The following PSD3 variants were observed in gnomAD, a reference collection of about 807,000 sequenced individuals.
PSD3 encodes PH and SEC7 domain-containing protein 3.
Under a neutral mutation model 105.5 loss-of-function variants are expected in PSD3, and 49 were observed. That is an observed-to-expected ratio of 0.46 (90% CI 0.37 to 0.59). PSD3 has a LOEUF of 0.59. Ranked by LOEUF, PSD3 falls within the 20% of genes least tolerant of loss-of-function variation. The probability of loss-of-function intolerance (pLI) is 0.00; values close to 1 mark genes in which losing one functional copy is unlikely to be tolerated. For synonymous variants in PSD3, 557 were observed against 457.8 expected, an observed-to-expected ratio of 1.22 and a Z score of -2.77; for missense variants, 1,561 against 1,263.8, an observed-to-expected ratio of 1.24 and a Z score of -3.57.
rs190176590 is a variant in PSD3, at chr8:19,077,732, A to T, written c.324+6474T>A. 1.3e-3 allele frequency among the ~76,000 whole-genome samples: 195 copies of T among 152,330 alleles called. 1 individual carries two copies. Among genetic ancestry groups the T allele is most frequent in the African/African-American group, 4.6e-3 (190 of 41,558 alleles). On this transcript the variant is annotated intron_variant, in intron 1 of 1. Coordinates refer to the PSD3 transcript ENST00000521475. ...TGAACTTTGTAATATATTAGGATCAAATCATTGCGTGATGTGATTTATAAA... is the reference window on the plus strand; with the variant it reads ...TGAACTTTGTAATATATTAGGATCATATCATTGCGTGATGTGATTTATAAA...
At chr8:19,075,177 A>G (rs1829425609) in intron 1 of PSD3, among the ~76,000 whole-genome samples, 1 of 148,080 alleles carries the variant, frequency 6.8e-6, no homozygotes, top group Non-Finnish European at 1.5e-5. Flanking sequence ...CGAACTCCGG[A>G]CTTCAAGTGA....
intron 4 of PSD3, among the ~76,000 whole-genome samples, chr8:18,864,268 A>T (rs1816665699): frequency 6.6e-6 from 1 of 152,192 alleles, no homozygotes; most frequent in Non-Finnish European, 1.5e-5. Context: ...TATGCCACTT[A>T]CCATCTGTGT....
intron 9 of PSD3, among the ~76,000 whole-genome samples, chr8:18,748,204 G>A (rs1805180248): frequency 6.6e-6 from 1 of 152,030 alleles, no homozygotes. Flanking sequence ...AGCAACTGTG[G>A]GCAGTTACAT....
At chr8:18,759,147 T>C (rs945174490) in intron 9 of PSD3, among the ~76,000 whole-genome samples, 12 of 149,862 alleles carry the variant, frequency 8.0e-5, no homozygotes, top group African/African-American at 2.5e-4. Flanking sequence ...TGCTCTTCCC[T>C]TAAGGGAAGA....
intron 9 of PSD3, chr8:18,762,855 T>A: frequency 8.9e-7 from 1 of 1,127,108 alleles, no homozygotes; most frequent in Non-Finnish European, 1.2e-6. Context: ...CCCTTTCTCT[T>A]CAGAAAACAA....
intron 10 of PSD3, 92 bp downstream of exon 10, chr8:18,655,550 T>G (rs1313984988): frequency 8.1e-7 from 1 of 1,237,628 alleles, no homozygotes. Context: ...AATGCATATT[T>G]AATCCTTCTC....
intron 1 of PSD3, among the ~76,000 whole-genome samples, chr8:19,006,601 C>A (rs1194938020): frequency 4.6e-5 from 7 of 152,100 alleles, no homozygotes; most frequent in South Asian, 4.2e-4. Context: ...GCGAATGTGA[C>A]TGTCTACCTT....
chr8:18,663,518 G>C (rs1809508046), intron 9 of PSD3, among the ~76,000 whole-genome samples: 1 of 151,566 alleles, frequency 6.6e-6, no homozygotes. Context: ...TTTTACTAAT[G>C]TGTGTATGCA....
intron 1 of PSD3, among the ~76,000 whole-genome samples, chr8:18,956,284 T>G (rs1221904098): frequency 6.6e-6 from 1 of 152,026 alleles, no homozygotes; most frequent in Non-Finnish European, 1.5e-5. Flanking sequence ...CTTCTCAAAC[T>G]GGGGTGGGCA....
At chr8:18,618,826 G>A (rs539936551) in intron 11 of PSD3, among the ~76,000 whole-genome samples, 5 of 152,222 alleles carry the variant, frequency 3.3e-5, no homozygotes, top group South Asian at 2.1e-4. Flanking sequence ...GTCTAGGGGC[G>A]TATGCTACCA....
chr8:19,059,323 T>C (rs1435654448), intron 1 of PSD3, among the ~76,000 whole-genome samples: 2 of 152,194 alleles, frequency 1.3e-5, no homozygotes, highest in Non-Finnish European at 2.9e-5. Flanking sequence ...CGTAGGAAGA[T>C]GTCCCTCTAG....
intron 12 of PSD3, among the ~76,000 whole-genome samples, chr8:18,588,469 A>C (rs372280541): frequency 1.2e-4 from 19 of 152,318 alleles, no homozygotes; most frequent in East Asian, 9.6e-4. Context: ...TTGCAGGCTT[A>C]TTCTCATTGT....
intron 10 of PSD3, among the ~76,000 whole-genome samples, chr8:18,650,123 A>G (rs2130831322): frequency 6.6e-6 from 1 of 152,376 alleles, no homozygotes; most frequent in Middle Eastern, 3.4e-3. Context: ...AGGATGAAAG[A>G]GAGGAACATT....
Position 18,804,908 on chromosome 8 carries a change from T to G in PSD3, c.1635-10A>C, listed in dbSNP as rs759674374. On this transcript the variant is annotated splice_polypyrimidine_tract_variant and intron_variant, in intron 4 of 15. Transcript: ENST00000327040. ...TTTCACCCCAGCATTGCTATGATAA[T>G]TGATAAAGAGAGAAAATAATAGATT... 1.3e-6 allele frequency: 2 copies of G among 1,568,122 alleles called. No individual in the cohort carries two copies.
intron 1 of PSD3, among the ~76,000 whole-genome samples, chr8:18,997,592 ACT>A (rs1352626676): frequency 1.3e-5 from 2 of 151,822 alleles, no homozygotes; most frequent in African/African-American, 4.8e-5. Flanking sequence ...TTCTCTGCTC[ACT>A]CTCAGTCCAA....
intron 9 of PSD3, among the ~76,000 whole-genome samples, chr8:18,740,946 C>T (rs1465908114): frequency 3.9e-5 from 6 of 152,170 alleles, no homozygotes. Context: ...GGGTGCCTCC[C>T]TGAGGTCAGA....
intron 10 of PSD3, among the ~76,000 whole-genome samples, chr8:18,649,322 A>G (rs1371321824): frequency 1.3e-5 from 2 of 152,170 alleles, no homozygotes; most frequent in Non-Finnish European, 2.9e-5. Flanking sequence ...TGAATATAAG[A>G]AATGGAGTCA....
chr8:18,777,585 T>C (rs1251683536), intron 8 of PSD3, among the ~76,000 whole-genome samples: 32 of 152,236 alleles, frequency 2.1e-4, no homozygotes, highest in Admixed American at 2.1e-3. Flanking sequence ...ATGTGATATT[T>C]TGAAATATGC....
chr8:19,037,079 C>A (rs1355867350), intron 1 of PSD3, among the ~76,000 whole-genome samples: 1 of 152,208 alleles, frequency 6.6e-6, no homozygotes, highest in Non-Finnish European at 1.5e-5. Flanking sequence ...GACTCTCTTA[C>A]AGTCCTTACT....
Sources: allele counts gnomAD v4.1 joint callset (sites outside exome capture counted in the v4.1 genomes callset), GRCh38; gene constraint gnomAD v4.1.1; transcripts MANE v1.5; gene names NCBI Gene and HGNC (gene_info 2026-07-23, HGNC 2026-07-21).